The following DCAF1 variants were observed in gnomAD, a reference collection of about 807,000 sequenced individuals.
DCAF1 encodes DDB1- and CUL4-associated factor 1.
Under a neutral mutation model 128.0 loss-of-function variants are expected in DCAF1, and 15 were observed. The ratio of observed to expected loss-of-function variants is 0.12; its 90% CI spans 0.08 to 0.18. DCAF1 has a LOEUF of 0.18. Among genes scored for constraint, DCAF1 ranks in the 10% least tolerant of loss-of-function variants. The pLI, the probability that DCAF1 is intolerant of heterozygous loss-of-function variation, is 1.00. For missense variants in DCAF1, 988 were observed against 1,649.5 expected (o/e 0.60, Z 6.95); for synonymous variants, 610 against 603.0 (o/e 1.01, Z -0.17).
intron 6 of DCAF1, 108 bp downstream of exon 6, chr3:51,463,006 C>T: frequency 1.8e-6 from 1 of 569,252 alleles, no homozygotes. Flanking sequence ...ACATATATTA[C>T]TATATGAATA....
At chr3:51,504,200 C>T (rs1351094695), upstream of DCAF1, among the ~76,000 whole-genome samples, 1 of 151,954 alleles carries the variant, frequency 6.6e-6, no homozygotes, top group Non-Finnish European at 1.5e-5. Flanking sequence ...CCACGCCTGG[C>T]TAATTTTTTA....
intron 6 of DCAF1, among the ~76,000 whole-genome samples, chr3:51,448,885 G>A (rs116275632): frequency 4.6e-5 from 7 of 151,816 alleles, no homozygotes; most frequent in Non-Finnish European, 7.4e-5. Context: ...GTCTTCTCAA[G>A]TACACATAGA....
intron 15 of DCAF1, 57 bp from the exon 16 acceptor site, chr3:51,418,933 C>G: frequency 6.6e-7 from 1 of 1,512,442 alleles, no homozygotes; most frequent in Non-Finnish European, 8.9e-7. Context: ...TCAGAAAAAG[C>G]AAACTGCTAG....
intron 9 of DCAF1, chr3:51,436,340 T>C: frequency 1.9e-6 from 1 of 519,240 alleles, no homozygotes. Flanking sequence ...CTTAAGAGAG[T>C]TCAGAATGAA....
chr3:51,452,376 TA>T (rs1577192805), intron 6 of DCAF1, among the ~76,000 whole-genome samples: 1 of 152,086 alleles, frequency 6.6e-6, no homozygotes, highest in African/African-American at 2.4e-5. Flanking sequence ...ATTGATTTAT[TA>T]AAAAAAGCTG....
At chr3:51,500,172 C>T (rs1435088448), upstream of DCAF1, among the ~76,000 whole-genome samples, 2 of 145,390 alleles carry the variant, frequency 1.4e-5, no homozygotes, top group East Asian at 4.0e-4. Context: ...CCCGGGGACG[C>T]CTGGGAAATG....
chr3:51,434,482 T>G (rs1357518465), intron 9 of DCAF1, among the ~76,000 whole-genome samples: 15 of 152,348 alleles, frequency 9.8e-5, no homozygotes, highest in Admixed American at 9.2e-4. Flanking sequence ...AGTTTTTGCC[T>G]TTGAAAGCAA....
chr3:51,465,671 G>A (rs113603460), intron 5 of DCAF1, among the ~76,000 whole-genome samples: 6 of 150,784 alleles, frequency 4.0e-5, no homozygotes, highest in African/African-American at 1.5e-4. Context: ...CTTGAACCCA[G>A]GAGGCAGAGG....
intron 6 of DCAF1, among the ~76,000 whole-genome samples, chr3:51,456,957 T>C (rs1201611443): frequency 9.9e-5 from 15 of 151,534 alleles, no homozygotes; most frequent in African/African-American, 3.6e-4. Context: ...ACCACAAAGA[T>C]GGGAAAAAAA....
chr3:51,487,758 C>A (rs1335540262), intron 2 of DCAF1, among the ~76,000 whole-genome samples: 1 of 151,872 alleles, frequency 6.6e-6, no homozygotes, highest in Admixed American at 6.6e-5. Flanking sequence ...CTAGGCTGGT[C>A]GTGAACTCCT....
intron 6 of DCAF1, among the ~76,000 whole-genome samples, chr3:51,459,812 G>C (rs1703340803): frequency 6.6e-6 from 1 of 152,168 alleles, no homozygotes; most frequent in African/African-American, 2.4e-5. Context: ...AAAACCACAT[G>C]ATTATCTCAA....
chr3:51,464,558 T>C (rs113712829), intron 5 of DCAF1, among the ~76,000 whole-genome samples: 3 of 151,880 alleles, frequency 2.0e-5, no homozygotes, highest in Non-Finnish European at 2.9e-5. Flanking sequence ...TTGCCAGGCA[T>C]GGTGGCACAT....
chr3:51,455,403 C>G (rs1008004241), intron 6 of DCAF1, among the ~76,000 whole-genome samples: 1 of 151,148 alleles, frequency 6.6e-6, no homozygotes, highest in Admixed American at 6.6e-5. Flanking sequence ...CCCAGAAGTT[C>G]GAGACTAGCC....
At chr3:51,485,589 T>C (rs1255414292) in intron 2 of DCAF1, among the ~76,000 whole-genome samples, 1 of 152,254 alleles carries the variant, frequency 6.6e-6, no homozygotes, top group Non-Finnish European at 1.5e-5. Context: ...AAAATGCGTA[T>C]CTTCTCAGAA....
rs782548905 is a variant in DCAF1 at position 51,422,429 on chromosome 3, T to C, written c.1850A>G (p.Asn617Ser). Residue 617 changes from asparagine to serine, a missense_variant and splice_region_variant, in exon 14 of 25, where the codon AAT becomes AGT. Transcript: ENST00000684031. Reference protein sequence around the residue: ...ACNWKTYYARNDTVRFALDVL... With the variant: ...ACNWKTYYARSDTVRFALDVL... ...ATCCAAAGCAAAGCGCACAGTGTCA[T>C]TCCTGGACAGGAAGAATTAGTCAAA... is the stretch of plus-strand genomic sequence containing the variant. 2.8e-5 allele frequency: 20 copies of C among 721,242 alleles called. No individual in the cohort carries two copies. The highest frequency in any genetic ancestry group is 4.4e-5 in the Non-Finnish European group (17 of 386,482). 44.7% of individuals were successfully genotyped at this position (721,242 alleles called of 1,614,324 possible). A position where few individuals can be genotyped will look rare whatever the true frequency, so the allele number is the denominator to read the frequency against.
At chr3:51,427,952 C>A (rs978417721) in intron 12 of DCAF1, among the ~76,000 whole-genome samples, 1 of 152,134 alleles carries the variant, frequency 6.6e-6, no homozygotes, top group African/African-American at 2.4e-5. Context: ...GCATGAGCCA[C>A]CATGCTTGGC....
At position 51,398,350 on chromosome 3, in the gene DCAF1, A is replaced by G. The variant is rs115578531; in HGVS notation, c.*419T>C. 7.4e-3 allele frequency: 1,158 copies of G among 156,238 alleles called. 7 individuals are homozygous for G. The highest frequency in any genetic ancestry group is 0.011 in the Non-Finnish European group (771 of 70,816). 9.7% of individuals were successfully genotyped at this position (156,238 alleles called of 1,614,324 possible). A position where few individuals can be genotyped will look rare whatever the true frequency, so the allele number is the denominator to read the frequency against. Reference sequence around the variant, plus strand: ...TGCAGGGACAAGAGACCTGGTGGATATAAGTTCATACCCTCAGTTATAAAT... The same window carrying G: ...TGCAGGGACAAGAGACCTGGTGGATGTAAGTTCATACCCTCAGTTATAAAT... On this transcript the variant is annotated 3_prime_UTR_variant, in exon 25 of 25. Coordinates refer to ENST00000684031, the MANE Select transcript of DCAF1 (RefSeq NM_001387579.1).
At chr3:51,485,556 C>CA (rs1379082311) in intron 2 of DCAF1, among the ~76,000 whole-genome samples, 16 of 152,180 alleles carry the variant, frequency 1.1e-4, no homozygotes, top group African/African-American at 3.9e-4. Flanking sequence ...GCCTTAAAAT[C>CA]AAAATGTCAT....
intron 3 of DCAF1, among the ~76,000 whole-genome samples, chr3:51,478,115 T>C (rs909096569): frequency 3.3e-5 from 5 of 152,114 alleles, no homozygotes; most frequent in Non-Finnish European, 7.4e-5. Flanking sequence ...GCAATCCTCC[T>C]ACCTCAGCCT....
Sources: gnomAD v4.1 joint callset for allele counts (sites outside exome capture counted in the v4.1 genomes callset) on GRCh38, gnomAD v4.1.1 for gene constraint, MANE v1.5 for transcripts, NCBI Gene and HGNC (gene_info 2026-07-23, HGNC 2026-07-21) for gene names.